CTIF: variants seen among roughly 807,000 people sequenced by gnomAD.
The protein encoded by CTIF is cap binding complex dependent translation initiation factor.
CTIF carries 21 observed loss-of-function variants against 66.0 expected under a neutral mutation model. The ratio of observed to expected loss-of-function variants is 0.32; its 90% CI spans 0.23 to 0.46. CTIF has a LOEUF of 0.46. Among genes scored for constraint, CTIF ranks in the 20% least tolerant of loss-of-function variants. The pLI, the probability that CTIF is intolerant of heterozygous loss-of-function variation, is 1.00. For synonymous variants in CTIF, 345 were observed against 326.4 expected, an observed-to-expected ratio of 1.06 and a Z score of -0.62; for missense variants, 739 against 812.7, an observed-to-expected ratio of 0.91 and a Z score of 1.10.
chr18:48,770,189 T>C (rs1385550819), intron 9 of CTIF, among the ~76,000 whole-genome samples: 5 of 152,218 alleles, frequency 3.3e-5, no homozygotes, highest in Admixed American at 3.3e-4. Flanking sequence ...GCATGCCAGG[T>C]GTCCAGTCAT....
chr18:48,554,655 G>A (rs2088972774), intron 1 of CTIF, among the ~76,000 whole-genome samples: 1 of 152,274 alleles, frequency 6.6e-6, no homozygotes, highest in Non-Finnish European at 1.5e-5. Context: ...GCTTTTCGGA[G>A]AGAAAGAATC....
At chr18:48,802,232 G>A (rs1050145968) in intron 9 of CTIF, among the ~76,000 whole-genome samples, 21 of 152,188 alleles carry the variant, frequency 1.4e-4, no homozygotes, top group Non-Finnish European at 4.4e-5. Flanking sequence ...AGTGAGCACA[G>A]CCCCACTCTG....
intron 1 of CTIF, among the ~76,000 whole-genome samples, chr18:48,598,435 C>T (rs9960400): frequency 2.4e-4 from 36 of 152,200 alleles, no homozygotes; most frequent in African/African-American, 7.2e-4. Context: ...TCCAAGGATG[C>T]TCAGGAGTGC....
intron 7 of CTIF, among the ~76,000 whole-genome samples, chr18:48,748,456 A>G (rs1256816322): frequency 6.6e-6 from 1 of 152,150 alleles, no homozygotes; most frequent in African/African-American, 2.4e-5. Context: ...GTGGAAGGAA[A>G]GCCAGAAGCC....
At chr18:48,738,770 T>G (rs1378989191) in intron 7 of CTIF, among the ~76,000 whole-genome samples, 1 of 152,214 alleles carries the variant, frequency 6.6e-6, no homozygotes, top group Admixed American at 6.5e-5. Context: ...ATTTGTTCTG[T>G]TTATCTTCTG....
chr18:48,786,105 C>A (rs565266869), intron 9 of CTIF, among the ~76,000 whole-genome samples: 1 of 152,286 alleles, frequency 6.6e-6, no homozygotes, highest in African/African-American at 2.4e-5. Context: ...TGTACAGACC[C>A]CGCACAGCAT....
At position 48,708,704 on chromosome 18, in the gene CTIF, C is replaced by T. The variant is rs141018091; in HGVS notation, c.508-2915C>T. Among the ~76,000 whole-genome samples, 315 of 152,284 alleles carry T rather than the reference C, an allele frequency of 2.1e-3. 1 individual carries two copies. Among genetic ancestry groups the T allele is most frequent in the African/African-American group, 7.5e-3 (310 of 41,554 alleles). ...CTGTCACTTTGTTCCACTCATTTTT[C>T]GCCTCACTATAGTCTTCCAGCCCCA... On this transcript the variant is annotated intron_variant, in intron 6 of 11. Coordinates refer to ENST00000256413, the MANE Select transcript of CTIF (RefSeq NM_014772.3).
chr18:48,729,371 T>A (rs569854477), intron 7 of CTIF, among the ~76,000 whole-genome samples: 1 of 152,178 alleles, frequency 6.6e-6, no homozygotes, highest in African/African-American at 2.4e-5. Context: ...TGGGCTTTAA[T>A]TGGAAGCGTA....
chr18:48,847,306 CAA>C lies in CTIF; in HGVS notation c.1528-10262_1528-10261del, dbSNP rs34326780. Among the ~76,000 whole-genome samples the C allele has an allele frequency of 6.4e-3, 533 of 83,832 alleles. 2 individuals are homozygous for C. The highest frequency in any genetic ancestry group is 9.8e-3 in the Admixed American group (82 of 8,406). 55.0% of individuals were successfully genotyped at this position (83,832 alleles called of 152,430 possible). A position where few individuals can be genotyped will look rare whatever the true frequency, so the allele number is the denominator to read the frequency against. ...CTGGTGACAGAGCAAGACTCCGTCT[CAA>C]AAAAAAAAAAAAAAAAAAATTATGA... On this transcript the variant is annotated intron_variant, in intron 10 of 11. Coordinates refer to ENST00000256413, the MANE Select transcript of CTIF (RefSeq NM_014772.3).
chr18:48,657,008 G>A (rs1282926068), intron 3 of CTIF, among the ~76,000 whole-genome samples: 2 of 152,232 alleles, frequency 1.3e-5, no homozygotes, highest in Non-Finnish European at 2.9e-5. Context: ...CCCAAGGCTA[G>A]GACGAGGGGT....
At chr18:48,805,261 C>T (rs1034925055) in intron 9 of CTIF, among the ~76,000 whole-genome samples, 1 of 152,204 alleles carries the variant, frequency 6.6e-6, no homozygotes, top group Non-Finnish European at 1.5e-5. Flanking sequence ...AGGCTCCTGT[C>T]CTGGGCTCCT....
chr18:48,711,596 C>T, intron 6 of CTIF, 23 bp from the exon 7 acceptor site: 1 of 1,604,130 alleles, frequency 6.2e-7, no homozygotes, highest in East Asian at 2.2e-5. Context: ...CTAATGATCC[C>T]CCTTCCTCCC....
At chr18:48,827,968 T>C (rs1448297533) in intron 10 of CTIF, among the ~76,000 whole-genome samples, 1 of 151,756 alleles carries the variant, frequency 6.6e-6, no homozygotes, top group Non-Finnish European at 1.5e-5. Context: ...ATCCTTGACC[T>C]CCTCAAGATA....
At position 48,780,871 on chromosome 18, in the gene CTIF, C is replaced by T. The variant is rs1472697094; in HGVS notation, c.1371+19182C>T. Among the ~76,000 whole-genome samples the T allele has an allele frequency of 5.3e-5, 8 of 152,288 alleles. No homozygotes were observed. The East Asian group carries it at 1.2e-3, about 22-fold the overall frequency. ...CAGGGGTAGGGCTTAAGGAGGGGGGCGTGCTGATAGCCTCAGGAGGCCCAT... is the reference window on the plus strand; with the variant it reads ...CAGGGGTAGGGCTTAAGGAGGGGGGTGTGCTGATAGCCTCAGGAGGCCCAT... On this transcript the variant is annotated intron_variant, in intron 9 of 11. Coordinates refer to ENST00000256413, the MANE Select transcript of CTIF (RefSeq NM_014772.3).
At chr18:48,552,570 C>T (rs2088909945) in intron 1 of CTIF, among the ~76,000 whole-genome samples, 1 of 152,210 alleles carries the variant, frequency 6.6e-6, no homozygotes, top group Admixed American at 6.5e-5. Context: ...TGAGGACGTT[C>T]TCTGGGGTGT....
chr18:48,848,259 C>G (rs1435768850), intron 10 of CTIF, among the ~76,000 whole-genome samples: 1 of 152,216 alleles, frequency 6.6e-6, no homozygotes, highest in Non-Finnish European at 1.5e-5. Flanking sequence ...GCTTGTCCCC[C>G]CACAGCCCTG....
At chr18:48,728,373 A>G (rs1028248787) in intron 7 of CTIF, among the ~76,000 whole-genome samples, 2 of 152,202 alleles carry the variant, frequency 1.3e-5, no homozygotes, top group Non-Finnish European at 1.5e-5. Flanking sequence ...ACTTCCAAGT[A>G]CCCAAAGCTG....
chr18:48,712,996 T>C (rs572391787), intron 7 of CTIF, among the ~76,000 whole-genome samples: 1 of 152,276 alleles, frequency 6.6e-6, no homozygotes, highest in East Asian at 1.9e-4. Context: ...GCACCAGGCA[T>C]CAAAAAGGAA....
At chr18:48,657,800 C>T (rs2091269163) in intron 3 of CTIF, among the ~76,000 whole-genome samples, 1 of 152,034 alleles carries the variant, frequency 6.6e-6, no homozygotes, top group South Asian at 2.1e-4. Flanking sequence ...AGTATAGTAG[C>T]CTAAAGTGAA....
Sources: gnomAD v4.1 joint callset for allele counts (sites outside exome capture counted in the v4.1 genomes callset) on GRCh38, gnomAD v4.1.1 for gene constraint, MANE v1.5 for transcripts, NCBI Gene and HGNC (gene_info 2026-07-23, HGNC 2026-07-21) for gene names.